The following MTR variants were observed in gnomAD, a reference collection of about 807,000 sequenced individuals.
MTR encodes the protein 5-methyltetrahydrofolate-homocysteine methyltransferase.
In MTR, 84 loss-of-function variants were observed where a neutral mutation model predicts 154.8. The observed-to-expected ratio is 0.54, with a 90% CI of 0.45 to 0.65. The LOEUF is 0.65. Ranked by LOEUF, MTR falls within the 30% of genes least tolerant of loss-of-function variation. The pLI is 0.00. For synonymous variants in MTR, 554 were observed against 553.9 expected (o/e 1.00, Z 0.00); for missense variants, 1,275 against 1,570.2 (o/e 0.81, Z 3.18).
At chr1:236,816,350 A>G (rs1661591836) in intron 7 of MTR, 99 bp from the exon 8 acceptor site, 1 of 1,034,626 alleles carries the variant, frequency 9.7e-7, no homozygotes, top group Admixed American at 1.8e-5. Flanking sequence ...TTCCTTGTAA[A>G]AGAGCAAAGG....
In MTR at chr1:236,815,598, T is replaced by C. The variant is rs769743026; in HGVS notation, c.610-6T>C. ...ATAAAGACGTTCTTTCTTTTTTCCCTGACAGGCAGCCTTGTTTGCACTCCA... is the reference window on the plus strand; with the variant it reads ...ATAAAGACGTTCTTTCTTTTTTCCCCGACAGGCAGCCTTGTTTGCACTCCA... On this transcript the variant is annotated splice_region_variant and splice_polypyrimidine_tract_variant and intron_variant, in intron 6 of 32. Coordinates refer to ENST00000366577, the MANE Select transcript of MTR (RefSeq NM_000254.3). The C allele has an allele frequency of 6.2e-7, 1 of 1,613,942 alleles. No homozygotes were observed. Among genetic ancestry groups the C allele is most frequent in the South Asian group, 1.1e-5 (1 of 91,082 alleles).
rs1021271459 is a variant in MTR at position 236,902,632 on chromosome 1, C to T, written c.*4988C>T. On this transcript the variant is annotated 3_prime_UTR_variant, in exon 33 of 33. Transcript: ENST00000366577. ...GGATACCCAGAGCCTAGCTCAGTGC[C>T]TGCCATGAAATTGTTCACTCCATCA... The T allele has an allele frequency of 2.0e-5, 3 of 152,162 alleles. No individual in the cohort carries two copies. Among genetic ancestry groups the T allele is most frequent in the African/African-American group, 4.8e-5 (2 of 41,428 alleles). 9.4% of individuals were successfully genotyped at this position (152,162 alleles called of 1,614,324 possible). A position where few individuals can be genotyped will look rare whatever the true frequency, so the allele number is the denominator to read the frequency against.
At chr1:236,889,042 C>G in intron 27 of MTR, 139 bp from the exon 28 acceptor site, 1 of 1,029,150 alleles carries the variant, frequency 9.7e-7, no homozygotes, top group Non-Finnish European at 1.5e-6. Context: ...TAAAGTTCCC[C>G]TCTTTGTAAA....
chr1:236,842,001 C>T (rs1001095826), intron 15 of MTR, among the ~76,000 whole-genome samples: 2 of 151,942 alleles, frequency 1.3e-5, no homozygotes, highest in Admixed American at 6.5e-5. Context: ...ACGCCATTCT[C>T]CTGCCTCAGC....
intron 27 of MTR, among the ~76,000 whole-genome samples, chr1:236,887,386 T>A (rs2147926179): frequency 6.6e-6 from 1 of 152,348 alleles, no homozygotes; most frequent in Admixed American, 6.5e-5. Context: ...CTTCCACGTT[T>A]GACAGTTTTT....
intron 31 of MTR, 128 bp from the exon 32 acceptor site, chr1:236,896,878 G>A: frequency 1.3e-6 from 1 of 780,966 alleles, no homozygotes; most frequent in Non-Finnish European, 2.3e-6. Flanking sequence ...TGTGTCATGT[G>A]TCTACCTAGA....
Position 236,863,753 on chromosome 1 carries a change from C to A in MTR, c.2405+199C>A, listed in dbSNP as rs10802566. Among the ~76,000 whole-genome samples, 6,313 of 152,148 alleles carry A rather than the reference C, an allele frequency of 0.041. 396 individuals are homozygous for A. The highest frequency in any genetic ancestry group is 0.2 in the East Asian group (1,027 of 5,154). The stretch of plus-strand genomic sequence containing the variant: ...TCAAATGAAATAAGTTAGTAATTAT[C>A]CGTGTTCAAAAAGGACATAAAGAAT... On this transcript the variant is annotated intron_variant, in intron 22 of 32. Transcript: ENST00000366577.
intron 27 of MTR, among the ~76,000 whole-genome samples, chr1:236,886,988 C>CT (rs1429059666): frequency 2.0e-5 from 3 of 152,110 alleles, no homozygotes; most frequent in Non-Finnish European, 4.4e-5. Flanking sequence ...TGGTTTCTTC[C>CT]TTTTTTTAAA....
At chr1:236,811,893 T>C (rs1470275410) in intron 5 of MTR, among the ~76,000 whole-genome samples, 1 of 152,230 alleles carries the variant, frequency 6.6e-6, no homozygotes, top group Admixed American at 6.5e-5. Context: ...CTGTCAACGA[T>C]GTTACAAGAG....
chr1:236,825,508 T>C (rs1662239327), intron 10 of MTR, 109 bp downstream of exon 10: 1 of 1,126,752 alleles, frequency 8.9e-7, no homozygotes, highest in Admixed American at 1.7e-5. Flanking sequence ...AATGTACATA[T>C]AACAAAGAAA....
chr1:236,891,356 A>G, intron 29 of MTR, 27 bp downstream of exon 29: 1 of 1,606,628 alleles, frequency 6.2e-7, no homozygotes, highest in Non-Finnish European at 8.5e-7. Context: ...GACAGCCAGC[A>G]CACCGCTTTC....
At chr1:236,811,735 T>G in intron 5 of MTR, 1 of 455,186 alleles carries the variant, frequency 2.2e-6, no homozygotes, top group Non-Finnish European at 4.4e-6. Flanking sequence ...GGCAGGTTTT[T>G]GAAAACTGCA....
chr1:236,893,273 T>A (rs1345552850), intron 29 of MTR, among the ~76,000 whole-genome samples: 2 of 152,200 alleles, frequency 1.3e-5, no homozygotes, highest in South Asian at 2.1e-4. Context: ...ACCAAACACC[T>A]CCTCGCCTGT....
Position 236,795,628 on chromosome 1 carries a change from G to A in MTR, c.-76G>A. 1 of 1,606,976 alleles carries A rather than the reference G, an allele frequency of 6.2e-7. No homozygotes were observed. The highest frequency in any genetic ancestry group is 8.5e-7 in the Non-Finnish European group (1 of 1,178,852). On this transcript the variant is annotated 5_prime_UTR_variant, in exon 1 of 33. An upstream open reading frame in the 5' UTR gains an earlier in-frame stop. Coordinates refer to ENST00000366577, the MANE Select transcript of MTR (RefSeq NM_000254.3). Reference sequence around the variant, plus strand: ...AGGCTCGCCTGGCGCTGGCTGGCGTGGCCCTTGGCCGTCGTCACCTGTGGA... The same window carrying A: ...AGGCTCGCCTGGCGCTGGCTGGCGTAGCCCTTGGCCGTCGTCACCTGTGGA...
chr1:236,803,814 T>G (rs1317577995), intron 2 of MTR, among the ~76,000 whole-genome samples, 172 bp downstream of exon 2: 1 of 152,208 alleles, frequency 6.6e-6, no homozygotes, highest in Non-Finnish European at 1.5e-5. Context: ...TGTTAAGCAC[T>G]CAGGATAAGG....
chr1:236,882,608 G>A (rs551263275), intron 25 of MTR, among the ~76,000 whole-genome samples: 1 of 152,194 alleles, frequency 6.6e-6, no homozygotes, highest in Non-Finnish European at 1.5e-5. Context: ...GGCCAGGCTG[G>A]TCTTGAACTC....
intron 15 of MTR, among the ~76,000 whole-genome samples, chr1:236,843,327 T>C (rs561102631): frequency 1.3e-4 from 20 of 152,172 alleles, no homozygotes; most frequent in African/African-American, 4.8e-4. Flanking sequence ...GATAGATGCT[T>C]GTCCTGTTTG....
intron 18 of MTR, 38 bp from the exon 19 acceptor site, chr1:236,859,795 T>G: frequency 8.0e-6 from 12 of 1,500,264 alleles, no homozygotes; most frequent in Non-Finnish European, 1.1e-5. Context: ...TGGTTAGTGA[T>G]GAGTTGTATC....
intron 3 of MTR, 142 bp downstream of exon 3, chr1:236,806,375 G>C: frequency 1.3e-6 from 1 of 746,978 alleles, no homozygotes; most frequent in Middle Eastern, 2.4e-4. Context: ...AGGGAAAATG[G>C]TGTGAATCCT....
Sources: allele counts gnomAD v4.1 joint callset (sites outside exome capture counted in the v4.1 genomes callset), GRCh38; gene constraint gnomAD v4.1.1; transcripts MANE v1.5; gene names NCBI Gene and HGNC (gene_info 2026-07-23, HGNC 2026-07-21).